Variants in TMEM120A observed in about 807,000 individuals in gnomAD.
TMEM120A encodes the protein ion channel TACAN.
Under a neutral mutation model 54.3 loss-of-function variants are expected in TMEM120A, and 45 were observed. That is an observed-to-expected ratio of 0.83 (90% CI 0.65 to 1.06). The LOEUF (loss-of-function observed/expected upper bound fraction) is 1.06. Among genes scored for constraint, TMEM120A ranks in the 50% least tolerant of loss-of-function variants. TMEM120A has a pLI of 0.00. For synonymous variants in TMEM120A, 204 were observed against 178.5 expected, an observed-to-expected ratio of 1.14 and a Z score of -1.14; for missense variants, 424 against 441.7, an observed-to-expected ratio of 0.96 and a Z score of 0.36.
intron 6 of TMEM120A, 41 bp from the exon 7 acceptor site, chr7:75,988,189 G>A: frequency 1.2e-6 from 2 of 1,611,442 alleles, no homozygotes; most frequent in Non-Finnish European, 1.7e-6. Flanking sequence ...GCCTGTTCCT[G>A]CTTCCCGGAG....
chr7:75,988,982 G>C (rs1321386793), intron 4 of TMEM120A, among the ~76,000 whole-genome samples, 183 bp downstream of exon 4: 3 of 3,076 alleles, frequency 9.8e-4, no homozygotes, highest in East Asian at 7.9e-3. Context: ...CGGGTGGGGT[G>C]GGGGGTGGAG....
intron 1 of TMEM120A, among the ~76,000 whole-genome samples, chr7:75,993,456 T>C (rs1554562314): frequency 1.3e-5 from 2 of 152,210 alleles, no homozygotes; most frequent in Non-Finnish European, 2.9e-5. Context: ...AGGCGCAGCC[T>C]AGAGATGGGG....
intron 3 of TMEM120A, among the ~76,000 whole-genome samples, chr7:75,990,303 GGGGAGCACTATGCCAGGAGCACTGTGCC>G (rs1193852756): frequency 3.3e-5 from 5 of 152,084 alleles, no homozygotes; most frequent in Admixed American, 6.6e-5. Flanking sequence ...CCTGCTCTAT[GGGGAGCACTATGCCAGGAGCACTGTGCC>G]GGGAGCACTC....
chr7:75,993,998 C>G (rs1554562475), intron 1 of TMEM120A, among the ~76,000 whole-genome samples: 1 of 138,552 alleles, frequency 7.2e-6, no homozygotes, highest in Admixed American at 7.4e-5. Flanking sequence ...CTTGATGCAG[C>G]CACATGGGCC....
In TMEM120A at chr7:75,988,482, G is replaced by C. The variant is rs782717399; in HGVS notation, c.412C>G (p.Leu138Val). The change falls in exon 5 of 12, where the codon CTC becomes GTC. Residue 138 changes from leucine (L) to valine (V), a missense_variant. By Grantham distance (32) the Leu-to-Val change is conservative (BLOSUM62 1). Transcript: ENST00000493111. ...AGGATGAGGATGATGGTGAGGTAGA[G>C]CTTGAACTTCTCATACTCGTCCTTG... is the stretch of plus-strand genomic sequence containing the variant. ...AYKDEYEKFK[L>V]YLTIILILIS... 6.2e-7 allele frequency: 1 copy of C among 1,609,696 alleles called. No individual in the cohort carries two copies. The highest frequency in any genetic ancestry group is 1.1e-5 in the South Asian group (1 of 90,884).
intron 7 of TMEM120A, 29 bp downstream of exon 7, chr7:75,988,054 C>T (rs1789613416): frequency 3.8e-6 from 6 of 1,596,920 alleles, no homozygotes; most frequent in African/African-American, 1.3e-5. Flanking sequence ...TGTCCCAGCT[C>T]CTGCCCCTGC....
At chr7:75,992,304 G>A in intron 2 of TMEM120A, 44 bp from the exon 3 acceptor site, 1 of 1,568,796 alleles carries the variant, frequency 6.4e-7, no homozygotes, top group Non-Finnish European at 8.7e-7. Context: ...GGACTCCCAA[G>A]TGTCCTCCCT....
Position 75,992,499 on chromosome 7 carries a change from C to T in TMEM120A, c.140G>A (p.Cys47Tyr), listed in dbSNP as rs1421676997. The T allele has an allele frequency of 1.9e-6, 3 of 1,596,752 alleles. No individual in the cohort carries two copies. Among genetic ancestry groups the T allele is most frequent in the African/African-American group, 1.3e-5 (1 of 74,592 alleles). The change falls in exon 2 of 12, where the codon TGC (cysteine) becomes TAC (tyrosine). Residue 47 changes from cysteine (C) to tyrosine (Y), a missense_variant. Transcript: ENST00000493111. ...CTTCTGCCGCGTGATGGAGCTGGTG[C>T]AATTGTTCTGAAGTTTGGTCAGCTC... ...LEELTKLQNN[C>Y]TSSITRQKKR...
At position 75,992,577 on chromosome 7, in the gene TMEM120A, G is replaced by C. The variant is rs1789889956; in HGVS notation, c.82-20C>G. ...GGTCTCCTGGGGGCCGGAGGGGAGA[G>C]GCTCAGGCCAGTTGGGGAGCTACTG... On this transcript the variant is annotated intron_variant, in intron 1 of 11. Transcript: ENST00000493111. The C allele has an allele frequency of 6.5e-7, 1 of 1,535,336 alleles. No individual in the cohort carries two copies. Among genetic ancestry groups the C allele is most frequent in the Non-Finnish European group, 8.8e-7 (1 of 1,136,286 alleles).
At chr7:75,992,589 T>C (rs1207844841) in intron 1 of TMEM120A, 32 bp from the exon 2 acceptor site, 21 of 1,501,792 alleles carry the variant, frequency 1.4e-5, no homozygotes, top group Admixed American at 2.0e-5. Context: ...CTCAGGCCAG[T>C]TGGGGAGCTA....
rs782653316 is a variant in TMEM120A at position 75,994,493 on chromosome 7, G to C, written c.78C>G (p.Ile26Met). 5.1e-6 allele frequency: 8 copies of C among 1,565,254 alleles called. No homozygotes were observed. The highest frequency in any genetic ancestry group is 6.1e-6 in the Non-Finnish European group (7 of 1,156,164). The change falls in exon 1 of 12, where the codon ATC becomes ATG. Residue 26 changes from isoleucine to methionine, a missense_variant. Physicochemically the swap from Ile to Met is conservative, Grantham distance 10. Coordinates refer to ENST00000493111, the MANE Select transcript of TMEM120A (RefSeq NM_031925.3). ...WEDLQQDFQN[I>M]QETHRLYRLK... ...CGGCGTCCGCAGCGGCGCTAACCTG[G>C]ATGTTCTGGAAGTCCTGCTGTAGAT...
chr7:75,987,493 G>A (rs1554560124), intron 10 of TMEM120A, 45 bp downstream of exon 10: 1 of 1,436,464 alleles, frequency 7.0e-7, no homozygotes, highest in Non-Finnish European at 9.1e-7. Flanking sequence ...AACCGGCGCA[G>A]AGGACGGACA....
At chr7:75,992,757 CCA>C (rs1441958184) in intron 1 of TMEM120A, among the ~76,000 whole-genome samples, 200 bp from the exon 2 acceptor site, 1 of 152,144 alleles carries the variant, frequency 6.6e-6, no homozygotes, top group African/African-American at 2.4e-5. Context: ...TCCTGTGAGC[CCA>C]GAGACCCCCA....
At chr7:75,988,007 G>C (rs782452757) in intron 7 of TMEM120A, 23 bp from the exon 8 acceptor site, 2 of 1,596,926 alleles carry the variant, frequency 1.3e-6, no homozygotes, top group South Asian at 1.1e-5. Context: ...GTGGAGGGCA[G>C]TGTGGGGACC....
At position 75,988,623 on chromosome 7, in the gene TMEM120A, C is replaced by CG. The variant is rs1554560880; in HGVS notation, c.378-108dup. ...AGGGTAGTCGGATGGAGGAGAAGGC[C>CG]GGGTTGGGGGGTGGAGGGGAAGGCC... On this transcript the variant is annotated intron_variant, in intron 4 of 11. Coordinates refer to ENST00000493111, the MANE Select transcript of TMEM120A (RefSeq NM_031925.3). The CG allele has an allele frequency of 3.9e-4, 112 of 283,812 alleles. 23 individuals are homozygous for CG. The African/African-American group carries it at 5.7e-3, about 14-fold the overall frequency. The allele number at this position is 283,812 out of a possible 1,614,324, so 17.6% of individuals were successfully genotyped here.
chr7:75,993,725 C>T (rs1455376443), intron 1 of TMEM120A, among the ~76,000 whole-genome samples: 1 of 152,190 alleles, frequency 6.6e-6, no homozygotes, highest in Non-Finnish European at 1.5e-5. Flanking sequence ...GGGGTCACCA[C>T]GCCCCCTCGG....
chr7:75,989,358 A>G (rs1215362165), intron 3 of TMEM120A, 134 bp from the exon 4 acceptor site: 1 of 681,068 alleles, frequency 1.5e-6, no homozygotes, highest in African/African-American at 1.8e-5. Flanking sequence ...GGGCCTTGGC[A>G]TCGGGTTCTG....
rs375966362 is a variant in TMEM120A at position 75,988,345 on chromosome 7, C to T, written c.474-4G>A. The T allele has an allele frequency of 1.2e-5, 17 of 1,427,104 alleles. No homozygotes were observed. The highest frequency in any genetic ancestry group is 8.9e-5 in the African/African-American group (6 of 67,710). 88.4% of individuals were successfully genotyped at this position (1,427,104 alleles called of 1,614,324 possible). On this transcript the variant is annotated splice_polypyrimidine_tract_variant and splice_region_variant and intron_variant, in intron 5 of 11. Transcript: ENST00000493111. Reference sequence around the variant, plus strand: ...GTTGAAGGCAGCATCTGTCACCCTGCGGAGGGAGGGGACCGAGGGTTGGTA... The same window carrying T: ...GTTGAAGGCAGCATCTGTCACCCTGTGGAGGGAGGGGACCGAGGGTTGGTA...
chr7:75,990,920 A>C (rs1331696143), intron 3 of TMEM120A, among the ~76,000 whole-genome samples: 1 of 147,454 alleles, frequency 6.8e-6, no homozygotes, highest in East Asian at 1.9e-4. Flanking sequence ...AAAAAAAAAA[A>C]GTCTCCTAGA....
Sources: gnomAD v4.1 joint callset for allele counts (sites outside exome capture counted in the v4.1 genomes callset) on GRCh38, gnomAD v4.1.1 for gene constraint, MANE v1.5 for transcripts, NCBI Gene and HGNC (gene_info 2026-07-23, HGNC 2026-07-21) for gene names.